Variants in DAAM2 observed in about 807,000 individuals in gnomAD.
The protein encoded by DAAM2 is disheveled-associated activator of morphogenesis 2.
In DAAM2, 39 loss-of-function variants were observed where a neutral mutation model predicts 120.7. The observed-to-expected ratio is 0.32, with a 90% CI of 0.25 to 0.42. The LOEUF (loss-of-function observed/expected upper bound fraction) is 0.42, where lower values mean the gene tolerates loss of function less well. Among genes scored for constraint, DAAM2 ranks in the 10% least tolerant of loss-of-function variants. The probability of loss-of-function intolerance (pLI) is 1.00; values close to 1 mark genes in which losing one functional copy is unlikely to be tolerated. For synonymous variants in DAAM2, 488 were observed against 524.9 expected, an observed-to-expected ratio of 0.93 and a Z score of 0.96; for missense variants, 1,283 against 1,401.7, an observed-to-expected ratio of 0.92 and a Z score of 1.35.
At chr6:39,803,059 A>G (rs1761913847) in intron 1 of DAAM2, among the ~76,000 whole-genome samples, 1 of 152,212 alleles carries the variant, frequency 6.6e-6, no homozygotes, top group African/African-American at 2.4e-5. Flanking sequence ...TTATGTGAAT[A>G]CAACATACTT....
At chr6:39,818,438 G>A (rs906305957) in intron 1 of DAAM2, among the ~76,000 whole-genome samples, 1 of 152,092 alleles carries the variant, frequency 6.6e-6, no homozygotes, top group Non-Finnish European at 1.5e-5. Context: ...TTTATCTGAG[G>A]ATGAAAGAAA....
At chr6:39,843,830 G>C (rs935589985) in intron 1 of DAAM2, among the ~76,000 whole-genome samples, 11 of 152,138 alleles carry the variant, frequency 7.2e-5, no homozygotes, top group Non-Finnish European at 1.5e-4. Flanking sequence ...GAGCTGGGAT[G>C]GGGAGATGGG....
chr6:39,893,291 C>T (rs563644300), intron 19 of DAAM2, among the ~76,000 whole-genome samples: 32 of 152,128 alleles, frequency 2.1e-4, no homozygotes, highest in Non-Finnish European at 4.6e-4. Context: ...CCAAGGCGGG[C>T]GGATCACAAG....
At position 39,903,612 on chromosome 6, in the gene DAAM2, G is replaced by A. The variant is rs764502396; in HGVS notation, c.*1575G>A. ...GCTCTTGGCCCTTCTGCCCTTCCCT[G>A]TGTTTCTCACTTTCCAACCTAATCC... is the stretch of plus-strand genomic sequence containing the variant. On this transcript the variant is annotated 3_prime_UTR_variant, in exon 25 of 25. Transcript: ENST00000274867. 6.4e-6 allele frequency: 1 copy of A among 155,520 alleles called. No individual in the cohort carries two copies. Among genetic ancestry groups the A allele is most frequent in the Non-Finnish European group, 1.4e-5 (1 of 70,206 alleles). The allele number at this position is 155,520 out of a possible 1,614,324, so 9.6% of individuals were successfully genotyped here. A position where few individuals can be genotyped will look rare whatever the true frequency, so the allele number is the denominator to read the frequency against.
In DAAM2 at chr6:39,900,104, C is replaced by T. The variant is rs369693022; in HGVS notation, c.2707C>T (p.Arg903Trp). The change falls in exon 23 of 25, where the codon CGG becomes TGG. Residue 903 changes from arginine to tryptophan, a missense_variant. Arg to Trp is a moderately radical substitution (Grantham distance 101). Transcript: ENST00000274867. ...VELEYQRRQV[R>W]EPSDKFVPVM... ...GCTGGAGTATCAGAGGCGCCAGGTA[C>T]GGGAGCCCAGTGACAAGTTTGTCCC... is the stretch of plus-strand genomic sequence containing the variant. The T allele has an allele frequency of 1.8e-4, 286 of 1,600,110 alleles. 1 individual carries two copies. Among genetic ancestry groups the T allele is most frequent in the African/African-American group, 2.0e-4 (15 of 74,560 alleles).
intron 1 of DAAM2, among the ~76,000 whole-genome samples, chr6:39,828,165 TC>T (rs1762745281): frequency 6.6e-6 from 1 of 152,186 alleles, no homozygotes; most frequent in Admixed American, 6.5e-5. Context: ...GTTTTGCATT[TC>T]TAGTATGTCT....
intron 1 of DAAM2, among the ~76,000 whole-genome samples, chr6:39,818,052 G>T (rs371796672): frequency 1.3e-5 from 2 of 152,018 alleles, no homozygotes; most frequent in Middle Eastern, 3.4e-3. Context: ...GGTAGCACAC[G>T]CCTGTAGTCC....
At chr6:39,797,848 A>G (rs907533205) in intron 1 of DAAM2, among the ~76,000 whole-genome samples, 2 of 152,274 alleles carry the variant, frequency 1.3e-5, no homozygotes, top group South Asian at 2.1e-4. Context: ...TAAGTGCTCA[A>G]TAAACATTGG....
At chr6:39,810,439 C>A (rs559754993) in intron 1 of DAAM2, among the ~76,000 whole-genome samples, 1 of 152,312 alleles carries the variant, frequency 6.6e-6, no homozygotes, top group Admixed American at 6.5e-5. Flanking sequence ...GCAGAGTCTG[C>A]AGAAAATACT....
At chr6:39,890,105 G>A (rs1193961624) in intron 17 of DAAM2, among the ~76,000 whole-genome samples, 1 of 150,978 alleles carries the variant, frequency 6.6e-6, no homozygotes, top group Non-Finnish European at 1.5e-5. Context: ...TCCAGCCTGG[G>A]CAACAGAGTG....
chr6:39,891,815 CCTTT>C, intron 19 of DAAM2, 93 bp downstream of exon 19: 1 of 939,876 alleles, frequency 1.1e-6, no homozygotes, highest in East Asian at 2.7e-5. Flanking sequence ...GAGGGAAACC[CCTTT>C]CTTATTCTCA....
At chr6:39,804,500 G>T (rs1021913320) in intron 1 of DAAM2, among the ~76,000 whole-genome samples, 1 of 150,922 alleles carries the variant, frequency 6.6e-6, no homozygotes, top group Admixed American at 6.7e-5. Context: ...CTATTGCACT[G>T]GTCCAGAAAG....
intron 1 of DAAM2, among the ~76,000 whole-genome samples, chr6:39,802,667 C>T (rs1159695548): frequency 6.6e-6 from 1 of 152,160 alleles, no homozygotes; most frequent in East Asian, 1.9e-4. Context: ...GTGCCTTTTG[C>T]TGTCTACTGC....
At chr6:39,845,813 T>C (rs1763567558) in intron 1 of DAAM2, among the ~76,000 whole-genome samples, 1 of 151,998 alleles carries the variant, frequency 6.6e-6, no homozygotes, top group Admixed American at 6.6e-5. Flanking sequence ...CTTTGCCATC[T>C]CGTCTGCCTC....
intron 19 of DAAM2, among the ~76,000 whole-genome samples, chr6:39,893,385 G>A (rs978608271): frequency 1.3e-5 from 2 of 152,182 alleles, no homozygotes; most frequent in African/African-American, 4.8e-5. Context: ...GGGCATGGAG[G>A]TGGGCACCTG....
rs533465441 is a variant in DAAM2 at position 39,897,619 on chromosome 6, G to T, written c.2618+337G>T. On this transcript the variant is annotated intron_variant, in intron 21 of 24. Coordinates refer to ENST00000274867, the MANE Select transcript of DAAM2 (RefSeq NM_001201427.2). ...AGACTTACACGATTATTCATAAAGA[G>T]GTGGGAAGAGGTATTGGGAAGCAGG... Among the ~76,000 whole-genome samples, 3 of 152,300 alleles carry T rather than the reference G, an allele frequency of 2.0e-5. No individual in the cohort carries two copies. The East Asian group carries it at 5.8e-4, about 29-fold the overall frequency.
At chr6:39,826,702 G>A (rs376917286) in intron 1 of DAAM2, among the ~76,000 whole-genome samples, 2 of 152,068 alleles carry the variant, frequency 1.3e-5, no homozygotes, top group Admixed American at 1.3e-4. Context: ...TAAGAAAAAT[G>A]TACATAAAAA....
rs74645410 is a variant in DAAM2 at position 39,861,340 on chromosome 6, G to A, written c.258+323G>A. ...CCCAGGCATGGAGGGTGGGCATCATGGACCATACCTGGAGCAGCTTTGCTA... is the reference window on the plus strand; with the variant it reads ...CCCAGGCATGGAGGGTGGGCATCATAGACCATACCTGGAGCAGCTTTGCTA... On this transcript the variant is annotated intron_variant, in intron 3 of 24. Coordinates refer to ENST00000274867, the MANE Select transcript of DAAM2 (RefSeq NM_001201427.2). 654 of 403,110 alleles carry A rather than the reference G, an allele frequency of 1.6e-3. 6 individuals carry two copies. Among genetic ancestry groups the A allele is most frequent in the African/African-American group, 0.013 (618 of 48,818 alleles). The allele number at this position is 403,110 out of a possible 1,614,324, so 25.0% of individuals were successfully genotyped here.
chr6:39,870,332 A>AC lies in DAAM2; in HGVS notation c.874-3dup, dbSNP rs1196960693. On this transcript the variant is annotated splice_polypyrimidine_tract_variant and splice_region_variant and intron_variant, in intron 7 of 24. Coordinates refer to ENST00000274867, the MANE Select transcript of DAAM2 (RefSeq NM_001201427.2). Reference sequence around the variant, plus strand: ...CAATGAGTCTGGCCCTCCCTTGGTGACCCCCAGGATAATCTGGAGTTCCGC... The same window carrying AC: ...CAATGAGTCTGGCCCTCCCTTGGTGACCCCCCAGGATAATCTGGAGTTCCGC... 8 of 1,541,826 alleles carry AC rather than the reference A, an allele frequency of 5.2e-6. No individual in the cohort carries two copies. Among genetic ancestry groups the AC allele is most frequent in the Non-Finnish European group, 7.1e-6 (8 of 1,133,680 alleles).
Sources: gnomAD v4.1 joint callset for allele counts (sites outside exome capture counted in the v4.1 genomes callset) on GRCh38, gnomAD v4.1.1 for gene constraint, MANE v1.5 for transcripts, NCBI Gene and HGNC (gene_info 2026-07-23, HGNC 2026-07-21) for gene names.